Variants in DNAH14 observed in about 807,000 individuals in gnomAD.
The protein encoded by DNAH14 is axonemal beta dynein heavy chain 14.
DNAH14 carries 478 observed loss-of-function variants against 520.9 expected under a neutral mutation model. The observed-to-expected ratio is 0.92, with a 90% CI of 0.85 to 0.99. DNAH14 has a LOEUF of 0.99. Ranked by LOEUF, DNAH14 falls within the 50% of genes least tolerant of loss-of-function variation. The pLI is 0.00. For missense variants in DNAH14, 4,831 were observed against 5,234.5 expected, an observed-to-expected ratio of 0.92 and a Z score of 2.38; for synonymous variants, 1,581 against 1,757.2, an observed-to-expected ratio of 0.90 and a Z score of 2.51.
chr1:225,353,817 G>GA lies in DNAH14; in HGVS notation c.11552dup (p.Asn3851LysfsTer2). On this transcript the variant is annotated frameshift_variant, in exon 73 of 86. Coordinates refer to ENST00000682510, the MANE Select transcript of DNAH14 (RefSeq NM_001367479.1). LOFTEE classifies it high-confidence loss of function. ...ATTATATCTAGCTGAACTTTTGAAT[G>GA]AAAATAAAGAAACGTGTAATCCTAT... The GA allele has an allele frequency of 6.7e-7, 1 of 1,501,818 alleles. No homozygotes were observed. The highest frequency in any genetic ancestry group is 9.0e-7 in the Non-Finnish European group (1 of 1,110,964). The allele number at this position is 1,501,818 out of a possible 1,614,324, so 93.0% of individuals were successfully genotyped here.
intron 9 of DNAH14, among the ~76,000 whole-genome samples, chr1:225,004,577 T>C (rs2064022465): frequency 6.6e-6 from 1 of 152,172 alleles, no homozygotes; most frequent in Non-Finnish European, 1.5e-5. Flanking sequence ...AGGGGAAAAG[T>C]AGGATTTCAA....
In DNAH14 at chr1:225,289,990, G is replaced by T; in HGVS notation, c.8377G>T (p.Glu2793Ter). The change falls in exon 55 of 86, where the codon GAA (glutamate) becomes TAA (stop). Residue 2793 changes from glutamate (E) to a stop codon, truncating the protein, a stop_gained. Coordinates refer to ENST00000682510, the MANE Select transcript of DNAH14 (RefSeq NM_001367479.1). LOFTEE classifies it high-confidence loss of function. The part of the protein sequence containing the change: ...VPISHKCAYI[E>*]FKEVFKKVFI... ...TATATCTCACAAATGTGCCTACATCGAATTCAAAGAAGTCTTTAAAAAGGT... is the reference window on the plus strand; with the variant it reads ...TATATCTCACAAATGTGCCTACATCTAATTCAAAGAAGTCTTTAAAAAGGT... 6.5e-7 allele frequency: 1 copy of T among 1,542,250 alleles called. No individual in the cohort carries two copies. Among genetic ancestry groups the T allele is most frequent in the Non-Finnish European group, 8.8e-7 (1 of 1,141,846 alleles).
intron 27 of DNAH14, among the ~76,000 whole-genome samples, chr1:225,139,077 A>C (rs1014570580): frequency 1.3e-5 from 2 of 152,136 alleles, no homozygotes; most frequent in African/African-American, 4.8e-5. Flanking sequence ...GTCTTTGTTA[A>C]AATAACCTTG....
intron 23 of DNAH14, among the ~76,000 whole-genome samples, chr1:225,102,958 C>G (rs891736748): frequency 6.6e-6 from 1 of 152,108 alleles, no homozygotes; most frequent in Admixed American, 6.5e-5. Flanking sequence ...ACATGAAGTC[C>G]TTGGCCATGC....
At chr1:225,363,012 G>A (rs1219141964) in intron 75 of DNAH14, among the ~76,000 whole-genome samples, 1 of 151,914 alleles carries the variant, frequency 6.6e-6, no homozygotes. Context: ...ATTTTGTATT[G>A]TGTTTTTTTT....
rs1169182387 is a variant in DNAH14 at position 225,089,442 on chromosome 1, CAAAAAAAA to C, written c.3573+3669_3573+3676del. ...CTGGGCAACAAGAGCAAAACTCCGT[CAAAAAAAA>C]AAAAAAAAAAAAAAAGAGAGCGAGA... On this transcript the variant is annotated intron_variant, in intron 21 of 85. Coordinates refer to ENST00000682510, the MANE Select transcript of DNAH14 (RefSeq NM_001367479.1). Among the ~76,000 whole-genome samples the C allele has an allele frequency of 6.1e-3, 182 of 29,902 alleles. 3 individuals carry two copies. In the East Asian group the frequency reaches 0.094, roughly 15 times the overall value. 19.6% of individuals were successfully genotyped at this position (29,902 alleles called of 152,430 possible). A position where few individuals can be genotyped will look rare whatever the true frequency, so the allele number is the denominator to read the frequency against.
chr1:225,185,643 G>A (rs1276345700), intron 37 of DNAH14, among the ~76,000 whole-genome samples: 21 of 151,618 alleles, frequency 1.4e-4, no homozygotes, highest in Admixed American at 1.4e-3. Flanking sequence ...TTTGTATCTA[G>A]GCATCTTAAT....
intron 8 of DNAH14, among the ~76,000 whole-genome samples, chr1:224,979,355 C>A (rs1328305213): frequency 6.6e-6 from 1 of 152,116 alleles, no homozygotes; most frequent in African/African-American, 2.4e-5. Context: ...TGGGACTGTT[C>A]ATTGAACTCA....
At chr1:225,013,238 T>C (rs1323274849) in intron 10 of DNAH14, among the ~76,000 whole-genome samples, 1 of 152,166 alleles carries the variant, frequency 6.6e-6, no homozygotes, top group Non-Finnish European at 1.5e-5. Context: ...TCTGTAGGTC[T>C]GCTGGAGTTT....
chr1:225,257,886 A>C, intron 44 of DNAH14, 74 bp from the exon 45 acceptor site: 1 of 1,099,452 alleles, frequency 9.1e-7, no homozygotes, highest in Non-Finnish European at 1.3e-6. Context: ...AATCCTAATG[A>C]CAAAAAAAAA....
chr1:225,050,115 C>T, intron 15 of DNAH14, 95 bp from the exon 16 acceptor site: 1 of 1,033,782 alleles, frequency 9.7e-7, no homozygotes, highest in Admixed American at 3.5e-5. Context: ...ATAAATCAGC[C>T]CCCATTTTCA....
intron 64 of DNAH14, among the ~76,000 whole-genome samples, chr1:225,326,365 C>G (rs1359862871): frequency 6.6e-6 from 1 of 152,096 alleles, no homozygotes; most frequent in Non-Finnish European, 1.5e-5. Context: ...TATTTAGCAA[C>G]CAGTGTGGCA....
intron 23 of DNAH14, among the ~76,000 whole-genome samples, chr1:225,112,863 C>A (rs1228668376): frequency 6.6e-6 from 1 of 151,974 alleles, no homozygotes; most frequent in Non-Finnish European, 1.5e-5. Context: ...TTAAATTTTT[C>A]TGAAAGGATT....
At chr1:225,024,534 A>T (rs2148043982) in intron 11 of DNAH14, 1 of 152,582 alleles carries the variant, frequency 6.6e-6, no homozygotes, top group African/African-American at 2.4e-5. Context: ...TCTATTTATC[A>T]AAATTTAATA....
At chr1:224,939,647 G>A (rs1037376951) in intron 1 of DNAH14, among the ~76,000 whole-genome samples, 1 of 152,206 alleles carries the variant, frequency 6.6e-6, no homozygotes, top group Non-Finnish European at 1.5e-5. Context: ...TTGTGCCACT[G>A]CCCTCCAGCC....
intron 54 of DNAH14, among the ~76,000 whole-genome samples, chr1:225,281,980 G>A (rs917946131): frequency 6.9e-6 from 1 of 145,104 alleles, no homozygotes; most frequent in South Asian, 2.3e-4. Flanking sequence ...ACACACACAC[G>A]ACGGTAACTA....
chr1:225,309,666 G>A (rs1015843413), intron 60 of DNAH14, among the ~76,000 whole-genome samples: 1 of 152,084 alleles, frequency 6.6e-6, no homozygotes, highest in Non-Finnish European at 1.5e-5. Context: ...AGGCCGAGGC[G>A]GGTAGATTAC....
chr1:225,100,643 G>T, intron 22 of DNAH14, 70 bp from the exon 23 acceptor site: 1 of 1,154,076 alleles, frequency 8.7e-7, no homozygotes, highest in Non-Finnish European at 1.2e-6. Context: ...CCGTGGCAAT[G>T]CATTACATTA....
chr1:225,153,655 T>C (rs1257669095), intron 33 of DNAH14, 95 bp from the exon 34 acceptor site: 1 of 820,588 alleles, frequency 1.2e-6, no homozygotes, highest in East Asian at 2.8e-5. Context: ...CTGCAGAGCA[T>C]AGATTACCTG....
Sources: allele counts gnomAD v4.1 joint callset (sites outside exome capture counted in the v4.1 genomes callset), GRCh38; gene constraint gnomAD v4.1.1; transcripts MANE v1.5; gene names NCBI Gene and HGNC (gene_info 2026-07-23, HGNC 2026-07-21).